Variants in LRCH2 observed in about 807,000 individuals in gnomAD.
The protein encoded by LRCH2 is leucine-rich repeat and calponin homology domain-containing protein 2.
Under a neutral mutation model 68.9 loss-of-function variants are expected in LRCH2, and 38 were observed. The observed-to-expected ratio is 0.55, with a 90% CI of 0.43 to 0.72. The LOEUF (loss-of-function observed/expected upper bound fraction) is 0.72. Ranked by LOEUF, LRCH2 falls within the 30% of genes least tolerant of loss-of-function variation. The pLI, the probability that LRCH2 is intolerant of heterozygous loss-of-function variation, is 0.00. For missense variants in LRCH2, 528 were observed against 572.9 expected (o/e 0.92, Z 0.80); for synonymous variants, 191 against 208.1 (o/e 0.92, Z 0.71).
At chrX:115,229,428 A>T (rs1233265312) in intron 1 of LRCH2, among the ~76,000 whole-genome samples, 3 of 111,725 alleles carry the variant, frequency 2.7e-5, no homozygotes, top group Non-Finnish European at 5.6e-5. Flanking sequence ...ATACAATAGG[A>T]TAATATATAT....
At chrX:115,116,574 T>C (rs1167598234) in intron 20 of LRCH2, among the ~76,000 whole-genome samples, 1 of 111,484 alleles carries the variant, frequency 9.0e-6, no homozygotes, top group African/African-American at 3.2e-5. Context: ...GAAAATATTT[T>C]AAACAGATTG....
intron 3 of LRCH2, among the ~76,000 whole-genome samples, chrX:115,180,082 A>G (rs1030233306): frequency 1.8e-5 from 2 of 111,604 alleles, no homozygotes; most frequent in African/African-American, 6.5e-5. Flanking sequence ...GTGGAGGTAA[A>G]GTAAAAGACT....
intron 10 of LRCH2, among the ~76,000 whole-genome samples, chrX:115,164,353 T>C (rs2072541972): frequency 8.9e-6 from 1 of 111,843 alleles, no homozygotes; most frequent in African/African-American, 3.2e-5. Context: ...ACTCTAGTCA[T>C]TTTATCTTTA....
intron 1 of LRCH2, among the ~76,000 whole-genome samples, chrX:115,218,357 G>A (rs984911452): frequency 1.8e-5 from 2 of 111,959 alleles, no homozygotes; most frequent in African/African-American, 6.5e-5. Flanking sequence ...AGGCAGGGCC[G>A]TTTCACGCTG....
At chrX:115,177,665 G>A (rs927639970) in intron 5 of LRCH2, among the ~76,000 whole-genome samples, 1 of 111,628 alleles carries the variant, frequency 9.0e-6, no homozygotes, top group Admixed American at 9.5e-5. Context: ...TGGGATACAT[G>A]TGCAAAATGT....
In LRCH2 at chrX:115,122,510, A is replaced by C. The variant is rs982652974; in HGVS notation, c.2178+17T>G. The C allele has an allele frequency of 1.7e-6, 2 of 1,166,378 alleles. No individual in the cohort carries two copies. Among genetic ancestry groups the C allele is most frequent in the Non-Finnish European group, 2.3e-6 (2 of 857,536 alleles). On this transcript the variant is annotated intron_variant, in intron 20 of 20. Transcript: ENST00000317135. The stretch of plus-strand genomic sequence containing the variant: ...TTCAAATTTAAGTGATCACGTTGTT[A>C]GATAAATAACAATTACCTGTGAGAC...
intron 1 of LRCH2, chrX:115,191,077 C>G: frequency 8.6e-7 from 1 of 1,161,968 alleles, no homozygotes; most frequent in Non-Finnish European, 1.1e-6. Flanking sequence ...CCAGAGCCAC[C>G]GCTATGGAGG....
chrX:115,161,416 A>C (rs1418036052), intron 11 of LRCH2, among the ~76,000 whole-genome samples: 1 of 111,844 alleles, frequency 8.9e-6, no homozygotes, highest in Non-Finnish European at 1.9e-5. Flanking sequence ...TGAAAAAATT[A>C]GACATACTTA....
At chrX:115,215,649 T>C (rs185584791) in intron 1 of LRCH2, among the ~76,000 whole-genome samples, 125 of 107,595 alleles carry the variant, frequency 1.2e-3, no homozygotes, top group African/African-American at 4.1e-3. Flanking sequence ...TAGTCCCAGC[T>C]ACCCAGGAGG....
chrX:115,192,576 C>T, intron 1 of LRCH2: 1 of 1,170,477 alleles, frequency 8.5e-7, no homozygotes, highest in Non-Finnish European at 1.1e-6. Context: ...GGTCAGGCTG[C>T]AGGGTGCCCA....
rs782544815 is a variant in LRCH2 at position 115,223,518 on chromosome X, T to C, written c.349+10175A>G. On this transcript the variant is annotated intron_variant, in intron 1 of 20. Transcript: ENST00000317135. Reference sequence around the variant, plus strand: ...CAATTAGTAAATGGACAAAGGGTCCTAATAGACATTTTGCTTATGAAAATA... The same window carrying C: ...CAATTAGTAAATGGACAAAGGGTCCCAATAGACATTTTGCTTATGAAAATA... Among the ~76,000 whole-genome samples the C allele has an allele frequency of 1.5e-3, 163 of 110,913 alleles. 6 individuals carry two copies. In the South Asian group the frequency reaches 0.057, roughly 39 times the overall value.
intron 20 of LRCH2, among the ~76,000 whole-genome samples, chrX:115,115,243 T>C (rs1556523716): frequency 9.0e-6 from 1 of 110,608 alleles, no homozygotes; most frequent in African/African-American, 3.3e-5. Context: ...GGACTCAGTA[T>C]AGCCAAAACA....
chrX:115,174,447 T>C (rs1318766639), intron 5 of LRCH2, among the ~76,000 whole-genome samples: 1 of 109,099 alleles, frequency 9.2e-6, no homozygotes, highest in Non-Finnish European at 1.9e-5. Context: ...GTTCCACATA[T>C]ACGTGAGATC....
chrX:115,124,210 A>C (rs1448444248), intron 16 of LRCH2, among the ~76,000 whole-genome samples: 1 of 111,813 alleles, frequency 8.9e-6, no homozygotes, highest in African/African-American at 3.2e-5. Context: ...TGAGCTAACC[A>C]TATAGGCTTT....
At chrX:115,134,654 C>T (rs1044566393) in intron 14 of LRCH2, among the ~76,000 whole-genome samples, 2 of 112,062 alleles carry the variant, frequency 1.8e-5, no homozygotes, top group Non-Finnish European at 1.9e-5. Flanking sequence ...GTTAAGCCCA[C>T]TATCGAGCTC....
At chrX:115,113,389 T>G (rs1484718839) in intron 20 of LRCH2, 54 bp from the exon 21 acceptor site, 2 of 989,736 alleles carry the variant, frequency 2.0e-6, no homozygotes, top group Non-Finnish European at 2.7e-6. Flanking sequence ...TGTAATAAAA[T>G]TAAGTCAGAA....
chrX:115,207,464 A>T (rs1198899454), intron 1 of LRCH2, among the ~76,000 whole-genome samples: 2 of 111,772 alleles, frequency 1.8e-5, no homozygotes, highest in Non-Finnish European at 3.8e-5. Flanking sequence ...GTTTGAGCCC[A>T]GGAGGTTGAG....
chrX:115,165,480 T>C lies in LRCH2; in HGVS notation c.1297-17A>G. The C allele has an allele frequency of 9.0e-7, 1 of 1,109,390 alleles. No homozygotes were observed. The highest frequency in any genetic ancestry group is 2.7e-4 in the Middle Eastern group (1 of 3,749). 91.4% of individuals were successfully genotyped at this position (1,109,390 alleles called of 1,213,427 possible). ...TTCTTTTCCCTTATATAAAAGAAAG[T>C]TACATTTTAAATTGTATAGTCCACT... On this transcript the variant is annotated splice_polypyrimidine_tract_variant and intron_variant, in intron 9 of 20. Coordinates refer to ENST00000317135, the MANE Select transcript of LRCH2 (RefSeq NM_020871.4).
chrX:115,118,307 T>A (rs1450077978), intron 20 of LRCH2, among the ~76,000 whole-genome samples: 1 of 109,713 alleles, frequency 9.1e-6, no homozygotes, highest in Non-Finnish European at 1.9e-5. Context: ...AAGAATCAAA[T>A]AGACACAATA....
Sources: gnomAD v4.1 joint callset for allele counts (sites outside exome capture counted in the v4.1 genomes callset) on GRCh38, gnomAD v4.1.1 for gene constraint, MANE v1.5 for transcripts, NCBI Gene and HGNC (gene_info 2026-07-23, HGNC 2026-07-21) for gene names.